CLCNKB: variants seen among roughly 807,000 people sequenced by gnomAD.
The protein encoded by CLCNKB is chloride channel protein ClC-Kb.
A neutral mutation model predicts 83.8 loss-of-function variants in CLCNKB; 74 were observed. That is an observed-to-expected ratio of 0.88 (90% CI 0.73 to 1.07). The LOEUF is 1.07. CLCNKB is among the 50% of genes least tolerant of loss of function. CLCNKB has a pLI of 0.00. For synonymous variants in CLCNKB, 358 were observed against 356.6 expected, an observed-to-expected ratio of 1.00 and a Z score of -0.04; for missense variants, 798 against 893.6, an observed-to-expected ratio of 0.89 and a Z score of 1.36.
chr1:16,044,351 T>TCACACACACA (rs1486482877), intron 1 of CLCNKB, 135 bp from the exon 2 acceptor site: 16 of 144,672 alleles, frequency 1.1e-4, no homozygotes, highest in Admixed American at 4.0e-4. Context: ...TGTGATAACT[T>TCACACACACA]CACATACACA....
At chr1:16,050,435 T>C in intron 10 of CLCNKB, 81 bp from the exon 11 acceptor site, 1 of 1,476,542 alleles carries the variant, frequency 6.8e-7, no homozygotes, top group Non-Finnish European at 9.5e-7. Flanking sequence ...TCCCCAGTCC[T>C]TGCCTTGCTA....
intron 19 of CLCNKB, among the ~76,000 whole-genome samples, 174 bp downstream of exon 19, chr1:16,056,682 C>T (rs990498712): frequency 1.3e-5 from 2 of 152,150 alleles, no homozygotes; most frequent in African/African-American, 2.4e-5. Flanking sequence ...GCCTGGCTCC[C>T]CTACCTTGTT....
At chr1:16,052,470 G>A in intron 15 of CLCNKB, 59 bp downstream of exon 15, 1 of 1,609,262 alleles carries the variant, frequency 6.2e-7, no homozygotes, top group South Asian at 1.1e-5. Context: ...GAAGGGCTGG[G>A]GTGAAGGGCA....
intron 4 of CLCNKB, 108 bp downstream of exon 4, chr1:16,046,771 G>C: frequency 7.0e-7 from 1 of 1,436,696 alleles, no homozygotes; most frequent in Admixed American, 1.7e-5. Flanking sequence ...CCCAGGAAGA[G>C]TCATGTGGCT....
intron 4 of CLCNKB, 66 bp downstream of exon 4, chr1:16,046,729 G>T (rs570238493): frequency 6.3e-7 from 1 of 1,590,282 alleles, no homozygotes; most frequent in South Asian, 1.1e-5. Flanking sequence ...GGGGGGAGTC[G>T]GGAAGGGGCA....
intron 13 of CLCNKB, 56 bp from the exon 14 acceptor site, chr1:16,051,654 G>A (rs2023297027): frequency 6.2e-7 from 1 of 1,603,818 alleles, no homozygotes; most frequent in African/African-American, 1.3e-5. Flanking sequence ...CTCAGGGATG[G>A]AGGGCTGTGG....
At chr1:16,048,818 A>T (rs2023186566) in intron 7 of CLCNKB, 1 of 1,442,992 alleles carries the variant, frequency 6.9e-7, no homozygotes, top group Non-Finnish European at 9.1e-7. Context: ...TTTGAAATCC[A>T]CGTATGACCC....
chr1:16,048,204 T>C (rs1207658485), intron 5 of CLCNKB, 139 bp from the exon 6 acceptor site: 42 of 1,439,566 alleles, frequency 2.9e-5, no homozygotes, highest in Admixed American at 3.9e-5. Flanking sequence ...GTCCCCGGAG[T>C]GTGACAAAAG....
Position 16,044,356 on chromosome 1 carries a change from T to TACACACACACACACACAC in CLCNKB, c.-7-125_-7-108dup, listed in dbSNP as rs1553127093. ...ACAGACCTAGTGTGATAACTTCACA[T>TACACACACACACACACAC]ACACACACACACACACACACACGCA... On this transcript the variant is annotated intron_variant, in intron 1 of 19. Transcript: ENST00000375679. 9.4e-3 allele frequency: 3,522 copies of TACACACACACACACACAC among 374,932 alleles called. 58 individuals carry two copies. Among genetic ancestry groups the TACACACACACACACACAC allele is most frequent in the African/African-American group, 0.044 (2,038 of 46,686 alleles). 23.2% of individuals were successfully genotyped at this position (374,932 alleles called of 1,614,324 possible).
intron 5 of CLCNKB, 81 bp from the exon 6 acceptor site, chr1:16,048,262 T>TG: frequency 6.4e-7 from 1 of 1,556,654 alleles, no homozygotes; most frequent in Admixed American, 1.7e-5. Context: ...GAGGGGGTGT[T>TG]GGGGGGAAGC....
chr1:16,051,695 T>C lies in CLCNKB; in HGVS notation c.1298-15T>C, dbSNP rs1387028991. The C allele has an allele frequency of 3.1e-6, 5 of 1,612,150 alleles. No individual in the cohort carries two copies. The Admixed American group carries it at 8.3e-5, about 27-fold the overall frequency. Reference sequence around the variant, plus strand: ...GGGTCAGCCTGGCTCCCCCTCACCCTAAGTCTGTGGCCAGGAGCTGCTATC... The same window carrying C: ...GGGTCAGCCTGGCTCCCCCTCACCCCAAGTCTGTGGCCAGGAGCTGCTATC... On this transcript the variant is annotated splice_polypyrimidine_tract_variant and intron_variant, in intron 13 of 19. Transcript: ENST00000375679.
At position 16,053,788 on chromosome 1, in the gene CLCNKB, G is replaced by A. The variant is rs761317137; in HGVS notation, c.1756+16G>A. 5 of 1,613,548 alleles carry A rather than the reference G, an allele frequency of 3.1e-6. No individual in the cohort carries two copies. The highest frequency in any genetic ancestry group is 1.7e-6 in the Non-Finnish European group (2 of 1,179,836). ...GAGAGCACAGGTGCCCAGCCGGAAG[G>A]GAGGAGGAAGTCGGGGGTAGGGGAT... On this transcript the variant is annotated intron_variant, in intron 16 of 19. Transcript: ENST00000375679.
chr1:16,053,621 G>T lies in CLCNKB; in HGVS notation c.1623-18G>T. Reference sequence around the variant, plus strand: ...CATCCCTGACTGTGGGGCCTGATGGGAGCCCCTCTGCCTGCAGTTCCCACC... The same window carrying T: ...CATCCCTGACTGTGGGGCCTGATGGTAGCCCCTCTGCCTGCAGTTCCCACC... On this transcript the variant is annotated intron_variant, in intron 15 of 19. Transcript: ENST00000375679. 1.2e-6 allele frequency: 2 copies of T among 1,613,762 alleles called. No individual in the cohort carries two copies. The highest frequency in any genetic ancestry group is 1.7e-6 in the Non-Finnish European group (2 of 1,180,028).
At position 16,047,909 on chromosome 1, in the gene CLCNKB, T is replaced by C. The variant is rs1352919481; in HGVS notation, c.363T>C (p.Ser121=). The part of the protein sequence containing the change: ...SQSITPSSGG[S]GIPEVKTMLA... The stretch of plus-strand genomic sequence containing the variant: ...GCCCTGCCCACCCCCGCCAAGGTTC[T>C]GGAATCCCGGAGGTGAAGACCATGT... Residue 121 remains serine, a synonymous_variant, in exon 5 of 20, where the codon TCT becomes TCC. Transcript: ENST00000375679. 6.8e-6 allele frequency: 11 copies of C among 1,613,674 alleles called. No homozygotes were observed. The highest frequency in any genetic ancestry group is 9.3e-6 in the Non-Finnish European group (11 of 1,180,024).
chr1:16,054,086 C>T (rs1261592563), intron 16 of CLCNKB, among the ~76,000 whole-genome samples: 1 of 152,086 alleles, frequency 6.6e-6, no homozygotes, highest in Non-Finnish European at 1.5e-5. Context: ...TTCAGGCCTC[C>T]CTTTAAGCAT....
rs778026556 is a variant in CLCNKB at position 16,049,199 on chromosome 1, C to G, written c.735C>G (p.Cys245Trp). 3 of 1,613,658 alleles carry G rather than the reference C, an allele frequency of 1.9e-6. No individual in the cohort carries two copies. The highest frequency in any genetic ancestry group is 2.2e-5 in the East Asian group (1 of 44,856). ...GGAGGGGCTTCTTTGCGGCCACCTG[C>G]GGGGCCTTCATGTTCCGGCTCCTGG... ...DYWRGFFAAT[C>W]GAFMFRLLAV... Residue 245 changes from cysteine (C) to tryptophan (W), a missense_variant, in exon 8 of 20, where the codon TGC (cysteine) becomes TGG (tryptophan). By Grantham distance (215) the Cys-to-Trp change is radical. Transcript: ENST00000375679.
rs762535125 is a variant in CLCNKB at position 16,046,655 on chromosome 1, C to T, written c.350C>T (p.Ser117Phe). 3.1e-6 allele frequency: 5 copies of T among 1,613,912 alleles called. No individual in the cohort carries two copies. The highest frequency in any genetic ancestry group is 4.2e-6 in the Non-Finnish European group (5 of 1,179,976). ...SSGFSQSITP[S>F]SGGSGIPEVK... ...GGCTTCTCTCAGAGCATCACACCCT[C>T]CTCTGGAGGTGAGTCCACAGTCGCT... The change falls in exon 4 of 20, where the codon TCC becomes TTC. Residue 117 changes from serine to phenylalanine, a missense_variant. Coordinates refer to ENST00000375679, the MANE Select transcript of CLCNKB (RefSeq NM_000085.5).
rs775637637 is a variant in CLCNKB, at chr1:16,051,800, CA to C, written c.1389del (p.Tyr466MetfsTer13). 12 of 1,613,648 alleles carry C rather than the reference CA, an allele frequency of 7.4e-6. No individual in the cohort carries two copies. Among genetic ancestry groups the C allele is most frequent in the Non-Finnish European group, 1.0e-5 (12 of 1,179,782 alleles). ...VAGGITNPIM[P>X]GGYALAGAAA... ...GGAGGGATCACCAATCCCATCATGC[CA>C]GGGGGGTATGCTCTGGCAGGTGAGT... On this transcript the variant is annotated frameshift_variant, in exon 14 of 20. Transcript: ENST00000375679. LOFTEE classifies it high-confidence loss of function.
chr1:16,045,467 C>G (rs1434641763), intron 2 of CLCNKB, 91 bp from the exon 3 acceptor site: 2 of 1,502,426 alleles, frequency 1.3e-6, no homozygotes, highest in Non-Finnish European at 9.2e-7. Flanking sequence ...CCTGCCCCAG[C>G]CTCTCTGCCT....
Sources: allele counts gnomAD v4.1 joint callset (sites outside exome capture counted in the v4.1 genomes callset), GRCh38; gene constraint gnomAD v4.1.1; transcripts MANE v1.5; gene names NCBI Gene and HGNC (gene_info 2026-07-23, HGNC 2026-07-21).